The following TNR variants were observed in gnomAD, a reference collection of about 807,000 sequenced individuals.
TNR encodes tenascin-R.
In TNR, 45 loss-of-function variants were observed where a neutral mutation model predicts 150.4. The observed-to-expected ratio is 0.30, with a 90% CI of 0.24 to 0.38. The LOEUF (loss-of-function observed/expected upper bound fraction) is 0.38, where lower values mean the gene tolerates loss of function less well. TNR is among the 10% of genes least tolerant of loss of function. The pLI, the probability that TNR is intolerant of heterozygous loss-of-function variation, is 1.00. For synonymous variants in TNR, 687 were observed against 678.4 expected (o/e 1.01, Z -0.20); for missense variants, 1,544 against 1,759.1 (o/e 0.88, Z 2.19).
At chr1:175,547,564 G>GGAAAGAAAGAAAGAAAGAAAGAAA (rs61602065) in intron 1 of TNR, among the ~76,000 whole-genome samples, 4 of 131,088 alleles carry the variant, frequency 3.1e-5, no homozygotes, top group African/African-American at 9.2e-5. Flanking sequence ...AAAGATAGAA[G>GGAAAGAAAGAAAGAAAGAAAGAAA]GAAAGAAAGA....
chr1:175,717,426 A>C (rs1202239519), intron 1 of TNR, among the ~76,000 whole-genome samples: 1 of 152,180 alleles, frequency 6.6e-6, no homozygotes, highest in Non-Finnish European at 1.5e-5. Context: ...ACTGTACCCC[A>C]CGAATCTAAA....
At chr1:175,379,823 G>T in intron 8 of TNR, 86 bp from the exon 9 acceptor site, 1 of 1,452,444 alleles carries the variant, frequency 6.9e-7, no homozygotes. Flanking sequence ...AAGATTGGTG[G>T]TGACAGCCCA....
intron 9 of TNR, among the ~76,000 whole-genome samples, chr1:175,369,461 A>AT (rs1225087030): frequency 1.1e-4 from 17 of 152,154 alleles, no homozygotes; most frequent in Non-Finnish European, 1.0e-4. Context: ...CCCTCTTCTT[A>AT]TAAACACACC....
intron 3 of TNR, among the ~76,000 whole-genome samples, chr1:175,405,605 ATGTGTGTGTGAGAGTGTGTGTG>A (rs1313245598): frequency 7.2e-5 from 9 of 124,716 alleles, no homozygotes; most frequent in Non-Finnish European, 5.0e-5. Context: ...GAGAGAGAGT[ATGTGTGTGTGAGAGTGTGTGTG>A]TGTGTGTGTG....
At chr1:175,329,271 C>T (rs1649582448) in intron 21 of TNR, among the ~76,000 whole-genome samples, 1 of 152,168 alleles carries the variant, frequency 6.6e-6, no homozygotes, top group Non-Finnish European at 1.5e-5. Flanking sequence ...AAGTATCAAA[C>T]ATTAGAATAT....
intron 1 of TNR, among the ~76,000 whole-genome samples, chr1:175,722,700 A>G (rs1378794885): frequency 1.3e-5 from 2 of 152,062 alleles, no homozygotes; most frequent in African/African-American, 4.8e-5. Flanking sequence ...CCTGAGCTCA[A>G]GCAATTTGCC....
At chr1:175,474,913 C>T (rs182475468) in intron 2 of TNR, among the ~76,000 whole-genome samples, 1 of 152,362 alleles carries the variant, frequency 6.6e-6, no homozygotes, top group East Asian at 1.9e-4. Context: ...GGTGACCTCT[C>T]TGACTTCATC....
intron 1 of TNR, among the ~76,000 whole-genome samples, chr1:175,548,442 T>C (rs1021735681): frequency 1.3e-5 from 2 of 152,144 alleles, no homozygotes; most frequent in Non-Finnish European, 2.9e-5. Flanking sequence ...GGTTTACTGA[T>C]GCCAAGTTGG....
chr1:175,326,485 G>A (rs1304851781), intron 21 of TNR, among the ~76,000 whole-genome samples: 1 of 152,102 alleles, frequency 6.6e-6, no homozygotes, highest in African/African-American at 2.4e-5. Context: ...TCACTGGGGA[G>A]GCCCTAACTC....
At chr1:175,570,863 T>C (rs1285056949) in intron 1 of TNR, among the ~76,000 whole-genome samples, 1 of 152,182 alleles carries the variant, frequency 6.6e-6, no homozygotes, top group Non-Finnish European at 1.5e-5. Context: ...CTTTCCTAAA[T>C]AGAAACATGT....
intron 18 of TNR, among the ~76,000 whole-genome samples, chr1:175,339,386 T>G (rs1228512032): frequency 6.6e-6 from 1 of 152,230 alleles, no homozygotes; most frequent in Non-Finnish European, 1.5e-5. Context: ...ACTGATTTCC[T>G]TAATAGCTGC....
intron 9 of TNR, among the ~76,000 whole-genome samples, chr1:175,377,174 A>C (rs1652429499): frequency 6.6e-6 from 1 of 152,140 alleles, no homozygotes; most frequent in Admixed American, 6.6e-5. Context: ...AATGCTAACC[A>C]TACCCACCTC....
chr1:175,635,991 G>A lies in TNR; in HGVS notation c.-165+107235C>T, dbSNP rs148368066. Among the ~76,000 whole-genome samples the A allele has an allele frequency of 9.3e-3, 1,414 of 152,158 alleles. 23 individuals are homozygous for A. Among genetic ancestry groups the A allele is most frequent in the African/African-American group, 0.03 (1,259 of 41,498 alleles). On this transcript the variant is annotated intron_variant, in intron 1 of 22. Coordinates refer to ENST00000367674, the MANE Select transcript of TNR (RefSeq NM_003285.3). The stretch of plus-strand genomic sequence containing the variant: ...AACTGCTCCAGAGTCAAATAATTAG[G>A]CTAGTCTCAGGCCATACCATGGGTG...
intron 2 of TNR, among the ~76,000 whole-genome samples, chr1:175,411,788 G>A (rs1403017404): frequency 6.6e-6 from 1 of 151,974 alleles, no homozygotes; most frequent in Non-Finnish European, 1.5e-5. Flanking sequence ...TTCCAAATAA[G>A]GTTACATTCT....
At chr1:175,662,370 C>A (rs61806918) in intron 1 of TNR, among the ~76,000 whole-genome samples, 8,152 of 152,008 alleles carry the variant, frequency 0.054, 239 homozygotes, top group African/African-American at 0.067. Context: ...GGACTCATTC[C>A]TGTATCCCTG....
Position 175,663,232 on chromosome 1 carries a change from G to T in TNR, c.-165+79994C>A, listed in dbSNP as rs559047273. ...CCCTGAGCTCTGGCCCCTCACTCAG[G>T]GACACTGCCCTCTCTTTTTCCCCTC... is the stretch of plus-strand genomic sequence containing the variant. On this transcript the variant is annotated intron_variant, in intron 1 of 22. Transcript: ENST00000367674. 4.6e-5 allele frequency among the ~76,000 whole-genome samples: 7 copies of T among 152,206 alleles called. 1 individual carries two copies. The highest frequency in any genetic ancestry group is 1.7e-4 in the African/African-American group (7 of 41,548).
At chr1:175,736,781 A>G (rs553470380) in intron 1 of TNR, among the ~76,000 whole-genome samples, 1 of 152,226 alleles carries the variant, frequency 6.6e-6, no homozygotes, top group Admixed American at 6.5e-5. Context: ...TGGGAGGCCA[A>G]GGTGGGAGGA....
intron 1 of TNR, among the ~76,000 whole-genome samples, chr1:175,680,414 C>A (rs1180841513): frequency 6.6e-6 from 1 of 151,828 alleles, no homozygotes; most frequent in Non-Finnish European, 1.5e-5. Context: ...AGAAGCATGG[C>A]AGAGAGGGAG....
chr1:175,650,959 C>CTCCT (rs1664962989), intron 1 of TNR, among the ~76,000 whole-genome samples: 1 of 58,558 alleles, frequency 1.7e-5, no homozygotes, highest in Non-Finnish European at 3.3e-5. Context: ...CTCATTACTC[C>CTCCT]CCCCCACCTC....
Sources: allele counts gnomAD v4.1 joint callset (sites outside exome capture counted in the v4.1 genomes callset), GRCh38; gene constraint gnomAD v4.1.1; transcripts MANE v1.5; gene names NCBI Gene and HGNC (gene_info 2026-07-23, HGNC 2026-07-21).